Variants in MTMR9 observed in about 807,000 individuals in gnomAD.
MTMR9 encodes the protein myotubularin-related protein 9.
Under a neutral mutation model 69.5 loss-of-function variants are expected in MTMR9, and 39 were observed. That is an observed-to-expected ratio of 0.56 (90% CI 0.43 to 0.73). The LOEUF (loss-of-function observed/expected upper bound fraction) is 0.73. MTMR9 is among the 30% of genes least tolerant of loss of function. MTMR9 has a pLI of 0.00. For missense variants in MTMR9, 900 were observed against 671.2 expected, an observed-to-expected ratio of 1.34 and a Z score of -3.77; for synonymous variants, 354 against 240.8, an observed-to-expected ratio of 1.47 and a Z score of -4.35.
chr8:11,317,521 A>G (rs1475471483), intron 8 of MTMR9: 3 of 152,078 alleles, frequency 2.0e-5, no homozygotes, highest in Non-Finnish European at 4.4e-5. Context: ...TGAGAATCTG[A>G]TGCTGATCTG....
chr8:11,290,248 A>AT (rs565251441), intron 1 of MTMR9, among the ~76,000 whole-genome samples: 65 of 149,328 alleles, frequency 4.4e-4, no homozygotes, highest in Non-Finnish European at 6.3e-4. Flanking sequence ...TATACTTAAA[A>AT]TTTTTTTTTT....
chr8:11,310,791 T>G (rs1297056776), intron 6 of MTMR9, among the ~76,000 whole-genome samples: 1 of 148,924 alleles, frequency 6.7e-6, no homozygotes, highest in Non-Finnish European at 1.5e-5. Context: ...ACAGGAATTG[T>G]AATAAACAGT....
chr8:11,295,000 A>T (rs1413801165), intron 1 of MTMR9, 194 bp from the exon 2 acceptor site: 18 of 374,642 alleles, frequency 4.8e-5, no homozygotes, highest in African/African-American at 8.5e-5. Context: ...TTTGAAATTT[A>T]AAAAAGACAT....
At chr8:11,329,559 G>A (rs1380282863), downstream of MTMR9, among the ~76,000 whole-genome samples, 8 of 152,324 alleles carry the variant, frequency 5.3e-5, no homozygotes, top group Middle Eastern at 3.4e-3. Flanking sequence ...CGAGTGATCC[G>A]CCAGCCTCGG....
At chr8:11,291,127 C>A (rs1339797814) in intron 1 of MTMR9, among the ~76,000 whole-genome samples, 2 of 151,952 alleles carry the variant, frequency 1.3e-5, no homozygotes, top group African/African-American at 2.4e-5. Context: ...ATTAACTAGA[C>A]CACAGACTTT....
chr8:11,298,747 A>G, intron 2 of MTMR9: 1 of 954,040 alleles, frequency 1.0e-6, no homozygotes, highest in Non-Finnish European at 1.2e-6. Flanking sequence ...CAGTATAGAA[A>G]TACTTTTTTC....
In MTMR9 at chr8:11,323,936, T is replaced by C. The variant is rs1017421636; in HGVS notation, c.*1148T>C. 1.3e-5 allele frequency: 2 copies of C among 152,358 alleles called. No homozygotes were observed. The highest frequency in any genetic ancestry group is 2.4e-5 in the African/African-American group (1 of 41,580). 9.4% of individuals were successfully genotyped at this position (152,358 alleles called of 1,614,324 possible). A position where few individuals can be genotyped will look rare whatever the true frequency, so the allele number is the denominator to read the frequency against. On this transcript the variant is annotated 3_prime_UTR_variant, in exon 10 of 10. Transcript: ENST00000221086. Reference sequence around the variant, plus strand: ...AACAGATTTGAGTGTTTCAGTATTATAGAAACAGTGATGACTATTCATGCT... The same window carrying C: ...AACAGATTTGAGTGTTTCAGTATTACAGAAACAGTGATGACTATTCATGCT...
At chr8:11,300,337 A>G in intron 3 of MTMR9, 189 bp downstream of exon 3, 1 of 493,850 alleles carries the variant, frequency 2.0e-6, no homozygotes, top group Non-Finnish European at 3.5e-6. Flanking sequence ...TAGATTAATA[A>G]TCAGTAATAC....
At chr8:11,305,504 C>T (rs1451916341) in intron 4 of MTMR9, among the ~76,000 whole-genome samples, 3 of 152,182 alleles carry the variant, frequency 2.0e-5, no homozygotes, top group Non-Finnish European at 2.9e-5. Context: ...AGATAACTAC[C>T]TTGTAATGGT....
At chr8:11,314,804 C>G (rs1585129630) in intron 6 of MTMR9, 119 bp from the exon 7 acceptor site, 2 of 897,626 alleles carry the variant, frequency 2.2e-6, no homozygotes, top group South Asian at 1.6e-5. Context: ...ACTCAATACA[C>G]TAAATAAACT....
At chr8:11,298,693 A>G (rs1799638777) in intron 2 of MTMR9, 1 of 883,370 alleles carries the variant, frequency 1.1e-6, no homozygotes, top group African/African-American at 1.9e-5. Flanking sequence ...AATTATGCTA[A>G]TTGATATGGT....
chr8:11,312,870 C>A (rs544068232), intron 6 of MTMR9, among the ~76,000 whole-genome samples: 1 of 152,334 alleles, frequency 6.6e-6, no homozygotes, highest in African/African-American at 2.4e-5. Context: ...CATTCATCTC[C>A]ATGTACCTCT....
rs1353868972 is a variant in MTMR9 at position 11,315,118 on chromosome 8, G to C, written c.1113+54G>C. 1.9e-6 allele frequency: 3 copies of C among 1,580,436 alleles called. No individual in the cohort carries two copies. In the Admixed American group the frequency reaches 5.1e-5, roughly 27 times the overall value. The stretch of plus-strand genomic sequence containing the variant: ...AACTGCTTATTGATGCTGTGATCCT[G>C]CTTTGTGTGGTAGCTGACATAATGT... On this transcript the variant is annotated intron_variant, in intron 7 of 9. Transcript: ENST00000221086.
intron 1 of MTMR9, among the ~76,000 whole-genome samples, chr8:11,286,162 CA>C (rs1799147885): frequency 6.6e-6 from 1 of 151,612 alleles, no homozygotes; most frequent in South Asian, 2.1e-4. Flanking sequence ...CCATATTGAC[CA>C]GGCTGGTCTT....
At chr8:11,313,479 C>A (rs549348641) in intron 6 of MTMR9, among the ~76,000 whole-genome samples, 2 of 152,240 alleles carry the variant, frequency 1.3e-5, no homozygotes, top group African/African-American at 2.4e-5. Context: ...GGAGGCCCAG[C>A]TTTTGGCCTG....
intron 2 of MTMR9, among the ~76,000 whole-genome samples, chr8:11,299,531 T>C (rs552386340): frequency 2.1e-4 from 32 of 152,202 alleles, no homozygotes; most frequent in Admixed American, 1.6e-3. Flanking sequence ...CAGTCCGGCA[T>C]TCTCATTCCC....
At chr8:11,297,567 C>A (rs751463027) in intron 2 of MTMR9, among the ~76,000 whole-genome samples, 5 of 150,428 alleles carry the variant, frequency 3.3e-5, no homozygotes, top group Non-Finnish European at 5.9e-5. Flanking sequence ...TGGATTTTCA[C>A]TGACCAGTCT....
intron 1 of MTMR9, among the ~76,000 whole-genome samples, chr8:11,287,818 A>G (rs1214373320): frequency 8.1e-6 from 1 of 123,100 alleles, no homozygotes; most frequent in African/African-American, 3.3e-5. Flanking sequence ...AATACATATA[A>G]TATATAATAT....
At chr8:11,306,118 G>C (rs1799929208) in intron 4 of MTMR9, 72 bp from the exon 5 acceptor site, 1 of 1,302,172 alleles carries the variant, frequency 7.7e-7, no homozygotes, top group Non-Finnish European at 1.1e-6. Context: ...TCTTAATCTA[G>C]CTAATTTCTT....
Sources: allele counts gnomAD v4.1 joint callset (sites outside exome capture counted in the v4.1 genomes callset), GRCh38; gene constraint gnomAD v4.1.1; transcripts MANE v1.5; gene names NCBI Gene and HGNC (gene_info 2026-07-23, HGNC 2026-07-21).